The following MDGA2 variants were observed in gnomAD, a reference collection of about 807,000 sequenced individuals.
MDGA2 encodes MAM domain-containing glycosylphosphatidylinositol anchor protein 2.
A neutral mutation model predicts 117.8 loss-of-function variants in MDGA2; 40 were observed. The ratio of observed to expected loss-of-function variants is 0.34; its 90% confidence interval spans 0.26 to 0.44. The LOEUF is 0.44. Ranked by LOEUF, MDGA2 falls within the 20% of genes least tolerant of loss-of-function variation. The probability of loss-of-function intolerance (pLI) is 1.00; values close to 1 mark genes in which losing one functional copy is unlikely to be tolerated. For missense variants in MDGA2, 1,123 were observed against 1,250.6 expected (o/e 0.90, Z 1.54); for synonymous variants, 452 against 439.0 (o/e 1.03, Z -0.37).
At chr14:46,961,430 G>A (rs1224100348) in intron 8 of MDGA2, among the ~76,000 whole-genome samples, 1 of 152,042 alleles carries the variant, frequency 6.6e-6, no homozygotes, top group African/African-American at 2.4e-5. Context: ...ATTCGTCTGA[G>A]CTAATTCAGT....
At chr14:46,917,734 T>A (rs1432781718) in intron 10 of MDGA2, among the ~76,000 whole-genome samples, 2 of 152,126 alleles carry the variant, frequency 1.3e-5, no homozygotes, top group East Asian at 3.8e-4. Flanking sequence ...TATACACCAG[T>A]TTTATGATAA....
chr14:47,094,798 A>T (rs1879868030), intron 6 of MDGA2, among the ~76,000 whole-genome samples: 1 of 151,596 alleles, frequency 6.6e-6, no homozygotes, highest in Non-Finnish European at 1.5e-5. Context: ...TTTAAAGCAA[A>T]CAAAAAATAG....
chr14:46,944,173 T>C (rs1885091037), intron 9 of MDGA2, among the ~76,000 whole-genome samples: 1 of 151,944 alleles, frequency 6.6e-6, no homozygotes, highest in African/African-American at 2.4e-5. Context: ...AGACTACCAA[T>C]TCTCTGGCTT....
At chr14:47,492,033 G>A (rs968088141) in intron 1 of MDGA2, among the ~76,000 whole-genome samples, 1 of 152,036 alleles carries the variant, frequency 6.6e-6, no homozygotes, top group African/African-American at 2.4e-5. Context: ...TGTCTACAGA[G>A]CTTCCAGCAA....
intron 3 of MDGA2, among the ~76,000 whole-genome samples, chr14:47,205,120 GTA>G (rs896721811): frequency 1.4e-4 from 22 of 151,928 alleles, no homozygotes; most frequent in Admixed American, 8.5e-4. Flanking sequence ...GTGTTTGTGT[GTA>G]TATATATGTG....
At chr14:47,091,228 A>G (rs1460437566) in intron 6 of MDGA2, among the ~76,000 whole-genome samples, 1 of 152,182 alleles carries the variant, frequency 6.6e-6, no homozygotes, top group Non-Finnish European at 1.5e-5. Flanking sequence ...TGATGAACTT[A>G]AAAAAGAGAT....
chr14:47,181,718 A>T (rs10151195), intron 3 of MDGA2, among the ~76,000 whole-genome samples: 1 of 151,932 alleles, frequency 6.6e-6, no homozygotes, highest in African/African-American at 2.4e-5. Flanking sequence ...TGAACATCAC[A>T]TCTTTTGATC....
intron 2 of MDGA2, among the ~76,000 whole-genome samples, chr14:47,246,402 G>A (rs1163056475): frequency 6.6e-6 from 1 of 151,740 alleles, no homozygotes; most frequent in Non-Finnish European, 1.5e-5. Context: ...GAGATATAAA[G>A]GCACCTACTT....
At chr14:47,010,026 G>A (rs566528665) in intron 8 of MDGA2, among the ~76,000 whole-genome samples, 4 of 151,772 alleles carry the variant, frequency 2.6e-5, no homozygotes, top group Non-Finnish European at 4.4e-5. Flanking sequence ...AACACCTTAC[G>A]GAAGAGTTCT....
At chr14:46,970,131 A>G (rs56978433) in intron 8 of MDGA2, among the ~76,000 whole-genome samples, 18,750 of 151,632 alleles carry the variant, frequency 0.12, 2,166 homozygotes, top group African/African-American at 0.28. Context: ...TGCCCAAAGC[A>G]ATCTATAGAT....
intron 1 of MDGA2, among the ~76,000 whole-genome samples, chr14:47,580,796 G>A (rs1333915407): frequency 1.3e-5 from 2 of 151,886 alleles, no homozygotes; most frequent in African/African-American, 2.4e-5. Flanking sequence ...TGCAATTATG[G>A]GAAATAATGC....
intron 7 of MDGA2, among the ~76,000 whole-genome samples, chr14:47,050,240 G>A (rs1000774254): frequency 1.1e-4 from 17 of 151,928 alleles, no homozygotes; most frequent in South Asian, 2.1e-4. Context: ...TCAGGCCTAC[G>A]CTTTCTACAG....
chr14:47,278,754 A>G (rs1487637465), intron 2 of MDGA2, among the ~76,000 whole-genome samples: 1 of 152,232 alleles, frequency 6.6e-6, no homozygotes, highest in Non-Finnish European at 1.5e-5. Context: ...AGAAATGTAT[A>G]TAATAAAAAG....
At position 47,503,089 on chromosome 14, in the gene MDGA2, C is replaced by T. The variant is rs1164676481; in HGVS notation, c.280+171428G>A. ...TAACATTTAAAAATTCAAATTCATC[C>T]TTCAAAGTAGCACTTGGTTACCTGA... On this transcript the variant is annotated intron_variant, in intron 1 of 16. Coordinates refer to ENST00000399232, the MANE Select transcript of MDGA2 (RefSeq NM_001113498.3). 3.9e-5 allele frequency among the ~76,000 whole-genome samples: 6 copies of T among 152,280 alleles called. No individual in the cohort carries two copies. The East Asian group carries it at 9.7e-4, about 24-fold the overall frequency.
At chr14:47,583,728 G>T (rs1896271011) in intron 1 of MDGA2, among the ~76,000 whole-genome samples, 1 of 151,698 alleles carries the variant, frequency 6.6e-6, no homozygotes, top group Non-Finnish European at 1.5e-5. Flanking sequence ...GCTGGAATCT[G>T]GTCCCCAGAT....
At chr14:47,410,086 T>C (rs1175363184) in intron 1 of MDGA2, among the ~76,000 whole-genome samples, 4 of 152,198 alleles carry the variant, frequency 2.6e-5, no homozygotes, top group African/African-American at 7.2e-5. Context: ...CTACCATTTG[T>C]TGTCTTCAGA....
At chr14:47,561,062 CT>C (rs964668381) in intron 1 of MDGA2, among the ~76,000 whole-genome samples, 17 of 150,594 alleles carry the variant, frequency 1.1e-4, no homozygotes, top group Non-Finnish European at 4.4e-5. Context: ...ATGTCTGATT[CT>C]GTATTGTGCC....
intron 10 of MDGA2, among the ~76,000 whole-genome samples, chr14:46,911,558 G>A (rs1450161558): frequency 1.3e-5 from 2 of 152,110 alleles, no homozygotes; most frequent in African/African-American, 4.8e-5. Context: ...AACTACAACT[G>A]AAAATGATAA....
At chr14:47,002,806 A>G (rs1887579351) in intron 8 of MDGA2, among the ~76,000 whole-genome samples, 1 of 152,152 alleles carries the variant, frequency 6.6e-6, no homozygotes, top group South Asian at 2.1e-4. Context: ...AAATATATGC[A>G]TTTTGTGTAA....
Sources: gnomAD v4.1 joint callset for allele counts (sites outside exome capture counted in the v4.1 genomes callset) on GRCh38, gnomAD v4.1.1 for gene constraint, MANE v1.5 for transcripts, NCBI Gene and HGNC (gene_info 2026-07-23, HGNC 2026-07-21) for gene names.